Variants in CASKIN1 observed in about 807,000 individuals in gnomAD.
The protein encoded by CASKIN1 is CASK interacting protein 1.
In CASKIN1, 42 loss-of-function variants were observed where a neutral mutation model predicts 117.5. The observed-to-expected ratio is 0.36, with a 90% CI of 0.28 to 0.46. The LOEUF is 0.46. Among genes scored for constraint, CASKIN1 ranks in the 20% least tolerant of loss-of-function variants. The pLI is 1.00. For synonymous variants in CASKIN1, 1,148 were observed against 961.7 expected (o/e 1.19, Z -3.59); for missense variants, 2,083 against 2,077.3 (o/e 1.00, Z -0.05).
At position 2,178,944 on chromosome 16, in the gene CASKIN1, G is replaced by A; in HGVS notation, c.4157C>T (p.Ala1386Val). Reference protein sequence around the residue: ...TSACLAAALQAVEEKIRQEDA... With the variant: ...TSACLAAALQVVEEKIRQEDA... Reference sequence around the variant, plus strand: ...CTCCTGCCGGATCTTCTCCTCCACCGCCTGCAGCGCCGCGGCCAGGCACGC... The same window carrying A: ...CTCCTGCCGGATCTTCTCCTCCACCACCTGCAGCGCCGCGGCCAGGCACGC... Residue 1386 changes from alanine to valine, a missense_variant, in exon 19 of 20, where the codon GCG (alanine) becomes GTG (valine). Physicochemically the swap from Ala to Val is moderately conservative, Grantham distance 64. Around this residue, in one of 3 missense-constraint regions of CASKIN1, gnomAD observed 1,818 missense variants for 1,688.9 expected, o/e 1.08. Coordinates refer to ENST00000343516, the MANE Select transcript of CASKIN1 (RefSeq NM_020764.4). 1.3e-6 allele frequency: 2 copies of A among 1,490,006 alleles called. No individual in the cohort carries two copies. Among genetic ancestry groups the A allele is most frequent in the Non-Finnish European group, 1.8e-6 (2 of 1,129,310 alleles). The allele number at this position is 1,490,006 out of a possible 1,614,324, so 92.3% of individuals were successfully genotyped here.
At chr16:2,188,074 T>G (rs1349853492) in intron 6 of CASKIN1, among the ~76,000 whole-genome samples, 1 of 152,012 alleles carries the variant, frequency 6.6e-6, no homozygotes, top group Non-Finnish European at 1.5e-5. Flanking sequence ...GCCTTTGTTT[T>G]TGTAAAGACC....
Position 2,185,050 on chromosome 16 carries a change from C to T in CASKIN1, c.1240-15G>A. The T allele has an allele frequency of 1.2e-6, 2 of 1,607,168 alleles. No homozygotes were observed. The highest frequency in any genetic ancestry group is 1.7e-6 in the Non-Finnish European group (2 of 1,175,804). The stretch of plus-strand genomic sequence containing the variant: ...GTTGCCAGGAGCTGCAACCCAGAAA[C>T]CCCGGCTTGTCACCTGCTCCCAGCC... On this transcript the variant is annotated splice_polypyrimidine_tract_variant and intron_variant, in intron 12 of 19. Transcript: ENST00000343516.
chr16:2,177,817 C>A lies in CASKIN1; in HGVS notation c.*733G>T, dbSNP rs577518738. Reference sequence around the variant, plus strand: ...AAGGCACAACCTCGAGTTCTTGGGGCGCAGAGAACTTAGGAGAGAAGCACG... The same window carrying A: ...AAGGCACAACCTCGAGTTCTTGGGGAGCAGAGAACTTAGGAGAGAAGCACG... On this transcript the variant is annotated 3_prime_UTR_variant, in exon 20 of 20. Transcript: ENST00000343516. 173 of 244,068 alleles carry A rather than the reference C, an allele frequency of 7.1e-4. No individual in the cohort carries two copies. Among genetic ancestry groups the A allele is most frequent in the African/African-American group, 3.5e-3 (156 of 45,094 alleles). 15.1% of individuals were successfully genotyped at this position (244,068 alleles called of 1,614,324 possible). A position where few individuals can be genotyped will look rare whatever the true frequency, so the allele number is the denominator to read the frequency against.
rs1186171617 is a variant in CASKIN1 at position 2,178,828 on chromosome 16, G to T, written c.4199+74C>A. 5.1e-6 allele frequency: 6 copies of T among 1,184,732 alleles called. No individual in the cohort carries two copies. In the East Asian group the frequency reaches 9.9e-5, roughly 20 times the overall value. The allele number at this position is 1,184,732 out of a possible 1,614,324, so 73.4% of individuals were successfully genotyped here. On this transcript the variant is annotated intron_variant, in intron 19 of 19. Transcript: ENST00000343516. ...GCCCCGCCCATCTCTGCCGAGCCCC[G>T]CCCATCTCTGCCGAGCCCCGCCCAT... is the stretch of plus-strand genomic sequence containing the variant.
chr16:2,180,780 A>G lies in CASKIN1; in HGVS notation c.2588T>C (p.Leu863Pro), dbSNP rs1442523694. Residue 863 changes from leucine to proline, a missense_variant, in exon 18 of 20, where the codon CTG (leucine) becomes CCG (proline). By Grantham distance (98) the Leu-to-Pro change is moderately conservative (BLOSUM62 -3). Around this residue, in one of 3 missense-constraint regions of CASKIN1, gnomAD observed 1,818 missense variants for 1,688.9 expected, o/e 1.08. Transcript: ENST00000343516. ...CGCGTCGGCCTCAGGGGGCAGGCAC[A>G]GTGTGGGCACAGCCGTCGGCACGGG... ...PPPVPTAVPT[L>P]CLPPEADAEP... 6 of 1,423,796 alleles carry G rather than the reference A, an allele frequency of 4.2e-6. No homozygotes were observed. Among genetic ancestry groups the G allele is most frequent in the Non-Finnish European group, 5.5e-6 (6 of 1,097,306 alleles). The allele number at this position is 1,423,796 out of a possible 1,614,324, so 88.2% of individuals were successfully genotyped here.
rs2093215300 is a variant in CASKIN1 at position 2,196,128 on chromosome 16, T to G, written c.94+211A>C. Among the ~76,000 whole-genome samples the G allele has an allele frequency of 6.6e-6, 1 of 151,648 alleles. No individual in the cohort carries two copies. The highest frequency in any genetic ancestry group is 1.5e-5 in the Non-Finnish European group (1 of 67,860). Reference sequence around the variant, plus strand: ...TGCCGCCAGGTGCCCGCTGCGGGGCTCACGGTGGCGGCCGGCTCTCGGGGC... The same window carrying G: ...TGCCGCCAGGTGCCCGCTGCGGGGCGCACGGTGGCGGCCGGCTCTCGGGGC... On this transcript the variant is annotated intron_variant, in intron 1 of 19. Coordinates refer to ENST00000343516, the MANE Select transcript of CASKIN1 (RefSeq NM_020764.4). This position sits in a 1 kb window ranked among gnomAD's most constrained non-coding sequence, Gnocchi z 5.7.
intron 1 of CASKIN1, among the ~76,000 whole-genome samples, chr16:2,192,229 G>A (rs1201157064): frequency 2.0e-5 from 3 of 151,994 alleles, no homozygotes; most frequent in Admixed American, 6.6e-5. Context: ...AGCCCAGGAG[G>A]TTGAAGCTGC....
At chr16:2,192,201 AG>A (rs1214967884) in intron 1 of CASKIN1, among the ~76,000 whole-genome samples, 2 of 151,974 alleles carry the variant, frequency 1.3e-5, no homozygotes, top group African/African-American at 4.8e-5. Context: ...TGGGAGGCTG[AG>A]GCGGGAGGAT....
intron 6 of CASKIN1, 61 bp from the exon 7 acceptor site, chr16:2,187,522 C>A (rs2093188509): frequency 1.5e-6 from 2 of 1,347,208 alleles, no homozygotes; most frequent in Non-Finnish European, 2.1e-6. Flanking sequence ...CCCAGCACCC[C>A]CAAGCCAGGC....
At chr16:2,183,506 C>T in intron 16 of CASKIN1, 140 bp downstream of exon 16, 1 of 790,344 alleles carries the variant, frequency 1.3e-6, no homozygotes, top group Admixed American at 2.5e-5. Flanking sequence ...GGGAGGCTCC[C>T]TGCTAGCAGG....
intron 6 of CASKIN1, among the ~76,000 whole-genome samples, chr16:2,188,107 C>G (rs1255813772): frequency 6.7e-6 from 1 of 149,888 alleles, no homozygotes; most frequent in Non-Finnish European, 1.5e-5. Context: ...GTTGCCCAGG[C>G]TGGTCTCAAA....
In CASKIN1 at chr16:2,181,034, C is replaced by A; in HGVS notation, c.2334G>T (p.Gln778His). 1 of 1,486,868 alleles carries A rather than the reference C, an allele frequency of 6.7e-7. No homozygotes were observed. The highest frequency in any genetic ancestry group is 8.9e-7 in the Non-Finnish European group (1 of 1,123,162). The allele number at this position is 1,486,868 out of a possible 1,614,324, so 92.1% of individuals were successfully genotyped here. ...PPGTSHFTPPQTPTKTRPGSP... is the reference protein window; with the variant it reads ...PPGTSHFTPPHTPTKTRPGSP... ...AGCCTGGTCGGGTTTTGGTGGGCGT[C>A]TGGGGGGGCGTGAAGTGGCTAGTGC... Residue 778 changes from glutamine (Q) to histidine (H), a missense_variant, in exon 18 of 20, where the codon CAG becomes CAT. Gln to His is a conservative substitution (Grantham distance 24, BLOSUM62 0). Around this residue, in one of 3 missense-constraint regions of CASKIN1, gnomAD observed 1,818 missense variants for 1,688.9 expected, o/e 1.08. Coordinates refer to ENST00000343516, the MANE Select transcript of CASKIN1 (RefSeq NM_020764.4).
At chr16:2,183,318 G>T (rs947443977) in intron 16 of CASKIN1, among the ~76,000 whole-genome samples, 1 of 152,230 alleles carries the variant, frequency 6.6e-6, no homozygotes. Flanking sequence ...CATGTGAGTG[G>T]CAGTGCTTGG....
Position 2,189,301 on chromosome 16 carries a change from C to T in CASKIN1, c.423G>A (p.Pro141=), listed in dbSNP as rs751798095. Residue 141 remains proline (P), a synonymous_variant, in exon 5 of 20, where the codon CCG becomes CCA. Coordinates refer to ENST00000343516, the MANE Select transcript of CASKIN1 (RefSeq NM_020764.4). ...TCTTCCCCGAGTTGTCCACCATGCA[C>T]GGGTTAGACTGGTGCTGTAGCAGCA... is the stretch of plus-strand genomic sequence containing the variant. The part of the protein sequence containing the change: ...SEMLLQHQSN[P]CMVDNSGKTP... 235 of 1,613,258 alleles carry T rather than the reference C, an allele frequency of 1.5e-4. 5 individuals are homozygous for T. In the East Asian group the frequency reaches 4.7e-3, roughly 32 times the overall value.
rs987319314 is a variant in CASKIN1 at position 2,182,144 on chromosome 16, C to T, written c.1630-215G>A. Among the ~76,000 whole-genome samples the T allele has an allele frequency of 6.6e-5, 10 of 152,184 alleles. No individual in the cohort carries two copies. The highest frequency in any genetic ancestry group is 1.5e-4 in the Non-Finnish European group (10 of 68,028). On this transcript the variant is annotated intron_variant, in intron 16 of 19. Coordinates refer to ENST00000343516, the MANE Select transcript of CASKIN1 (RefSeq NM_020764.4). The surrounding 1 kb of genome is among the most constrained non-coding windows in gnomAD (Gnocchi z 4.1). The stretch of plus-strand genomic sequence containing the variant: ...CGCATATCGCACACATGCGCACACA[C>T]GCACGGCTGCCCACATCCACAGGAC...
intron 2 of CASKIN1, 44 bp from the exon 3 acceptor site, chr16:2,190,214 C>T (rs1315695754): frequency 1.0e-5 from 16 of 1,602,472 alleles, no homozygotes; most frequent in Middle Eastern, 1.6e-4. Context: ...CCTGGCGCCC[C>T]GGCCTTCCCG....
intron 15 of CASKIN1, 24 bp downstream of exon 15, chr16:2,183,807 G>T (rs778465186): frequency 4.3e-6 from 7 of 1,611,288 alleles, no homozygotes; most frequent in Non-Finnish European, 5.9e-6. Context: ...CGCAGCTGGC[G>T]CTGGCGGCGC....
chr16:2,179,043 G>GCGC lies in CASKIN1; in HGVS notation c.4057_4058insGCG (p.Ala1352_Ala1353insGly), dbSNP rs1377880898. The GCGC allele has an allele frequency of 1.0e-6, 1 of 994,180 alleles. No homozygotes were observed. The highest frequency in any genetic ancestry group is 1.8e-5 in the African/African-American group (1 of 56,262). 61.6% of individuals were successfully genotyped at this position (994,180 alleles called of 1,614,324 possible). A position where few individuals can be genotyped will look rare whatever the true frequency, so the allele number is the denominator to read the frequency against. ...TTCGGGCGGGGCGGGGGGCGCGGCG[G>GCGC]CGGCGGCGGCGGCGGCGGCGGCGGC... On this transcript the variant is annotated inframe_insertion, in exon 19 of 20. Transcript: ENST00000343516. The surrounding 1 kb of genome is among the most constrained non-coding windows in gnomAD (Gnocchi z 5.8).
Position 2,179,489 on chromosome 16 carries a change from C to T in CASKIN1, c.3775+104G>A. On this transcript the variant is annotated intron_variant, in intron 18 of 19. Coordinates refer to ENST00000343516, the MANE Select transcript of CASKIN1 (RefSeq NM_020764.4). The surrounding 1 kb of genome is among the most constrained non-coding windows in gnomAD (Gnocchi z 5.8). ...GGTCTGGGGACACGTTCCCACCCCA[C>T]CTGGGCTTCCATCAAACCCAAGAAA... is the stretch of plus-strand genomic sequence containing the variant. The T allele has an allele frequency of 1.4e-6, 2 of 1,392,860 alleles. No individual in the cohort carries two copies. The highest frequency in any genetic ancestry group is 1.9e-6 in the Non-Finnish European group (2 of 1,073,610). 86.3% of individuals were successfully genotyped at this position (1,392,860 alleles called of 1,614,324 possible). A position where few individuals can be genotyped will look rare whatever the true frequency, so the allele number is the denominator to read the frequency against.
Sources: allele counts gnomAD v4.1 joint callset (sites outside exome capture counted in the v4.1 genomes callset), GRCh38; gene constraint gnomAD v4.1.1; regional missense constraint gnomAD v4.1.1; non-coding constraint Gnocchi (gnomAD v3.1); transcripts MANE v1.5; gene names NCBI Gene and HGNC (gene_info 2026-07-23, HGNC 2026-07-21).